SORCS2: variants seen among roughly 807,000 people sequenced by gnomAD.
SORCS2 encodes sortilin related VPS10 domain containing receptor 2.
A neutral mutation model predicts 141.6 loss-of-function variants in SORCS2; 100 were observed. That is an observed-to-expected ratio of 0.71 (90% CI 0.60 to 0.83). The LOEUF (loss-of-function observed/expected upper bound fraction) is 0.83. Among genes scored for constraint, SORCS2 ranks in the 40% least tolerant of loss-of-function variants. The pLI is 0.00. For synonymous variants in SORCS2, 789 were observed against 676.9 expected, an observed-to-expected ratio of 1.17 and a Z score of -2.57; for missense variants, 1,646 against 1,560.2, an observed-to-expected ratio of 1.05 and a Z score of -0.93.
intron 2 of SORCS2, among the ~76,000 whole-genome samples, chr4:7,463,653 T>A (rs1025664832): frequency 2.6e-5 from 4 of 152,114 alleles, no homozygotes; most frequent in Admixed American, 1.3e-4. Flanking sequence ...AAAAATAAGA[T>A]CAGTGATTTG....
chr4:7,212,030 A>G (rs1247672742), intron 1 of SORCS2, among the ~76,000 whole-genome samples: 2 of 152,160 alleles, frequency 1.3e-5, no homozygotes, highest in Admixed American at 6.6e-5. Context: ...CTGAATTTCC[A>G]TGGCTGCCCC....
chr4:7,483,267 G>A (rs1396171722), intron 2 of SORCS2, among the ~76,000 whole-genome samples: 1 of 144,902 alleles, frequency 6.9e-6, no homozygotes, highest in Non-Finnish European at 1.5e-5. Flanking sequence ...AGGTTGAAGT[G>A]AACCGAGATT....
chr4:7,482,166 T>TGCA (rs1730682841), intron 2 of SORCS2, among the ~76,000 whole-genome samples: 2 of 45,294 alleles, frequency 4.4e-5, no homozygotes, highest in Non-Finnish European at 8.0e-5. Flanking sequence ...CCCCTGACGC[T>TGCA]GTTCAGACCT....
intron 2 of SORCS2, chr4:7,434,938 G>A: frequency 6.8e-7 from 1 of 1,466,324 alleles, no homozygotes. Context: ...TATAAACCTG[G>A]CTCTCCTGCC....
intron 2 of SORCS2, among the ~76,000 whole-genome samples, chr4:7,428,916 C>T (rs1432790837): frequency 6.6e-6 from 1 of 152,108 alleles, no homozygotes; most frequent in African/African-American, 2.4e-5. Flanking sequence ...AGGAAGGCAC[C>T]TCTTCACCAG....
At chr4:7,379,590 G>A (rs1165797611) in intron 1 of SORCS2, among the ~76,000 whole-genome samples, 1 of 152,170 alleles carries the variant, frequency 6.6e-6, no homozygotes, top group East Asian at 1.9e-4. Flanking sequence ...CAATAGACAC[G>A]CGGATACTAT....
chr4:7,287,262 C>T (rs762047427), intron 1 of SORCS2, among the ~76,000 whole-genome samples: 11 of 152,236 alleles, frequency 7.2e-5, no homozygotes, highest in Non-Finnish European at 1.3e-4. Context: ...CCACAGACCA[C>T]AAGGCGAGAC....
At chr4:7,216,426 CA>C (rs1728355027) in intron 1 of SORCS2, among the ~76,000 whole-genome samples, 1 of 152,208 alleles carries the variant, frequency 6.6e-6, no homozygotes, top group African/African-American at 2.4e-5. Context: ...ACAAACTGCA[CA>C]AACTCAGTGG....
intron 3 of SORCS2, among the ~76,000 whole-genome samples, chr4:7,614,561 G>GTCCA (rs1331664143): frequency 1.4e-5 from 2 of 144,064 alleles, no homozygotes; most frequent in African/African-American, 5.2e-5. Context: ...CTCATCCACT[G>GTCCA]TCCATCCATC....
intron 2 of SORCS2, among the ~76,000 whole-genome samples, chr4:7,403,345 T>C (rs1162919223): frequency 2.0e-5 from 3 of 152,124 alleles, no homozygotes; most frequent in African/African-American, 7.2e-5. Flanking sequence ...ATGTTCTTCT[T>C]ATGCAGAACA....
chr4:7,606,607 G>C (rs945020029), intron 3 of SORCS2, among the ~76,000 whole-genome samples: 21 of 152,108 alleles, frequency 1.4e-4, no homozygotes, highest in African/African-American at 4.6e-4. Context: ...TGTGCCTTGA[G>C]GGCCGCCTCT....
chr4:7,668,903 C>T (rs35235499), intron 8 of SORCS2, among the ~76,000 whole-genome samples: 17,887 of 152,062 alleles, frequency 0.12, 1,148 homozygotes, highest in Middle Eastern at 0.17. Flanking sequence ...ATACAGGGAC[C>T]CTCTCTGCTC....
intron 5 of SORCS2, among the ~76,000 whole-genome samples, chr4:7,660,347 GC>G (rs938461736): frequency 2.6e-5 from 4 of 152,240 alleles, no homozygotes; most frequent in Non-Finnish European, 5.9e-5. Context: ...CCACAGGGCA[GC>G]TACAGTGTCT....
intron 1 of SORCS2, among the ~76,000 whole-genome samples, chr4:7,261,334 C>T (rs939727219): frequency 3.3e-5 from 5 of 152,158 alleles, no homozygotes; most frequent in African/African-American, 1.2e-4. Context: ...CAGGGCTCTG[C>T]GACGGCCATA....
chr4:7,355,422 A>G (rs573399477), intron 1 of SORCS2, among the ~76,000 whole-genome samples: 91 of 152,204 alleles, frequency 6.0e-4, no homozygotes, highest in African/African-American at 2.2e-3. Context: ...AATCCCCCCA[A>G]AGTTAATGGC....
rs115448971 is a variant in SORCS2 at position 7,684,084 on chromosome 4, C to T, written c.1488+1195C>T. On this transcript the variant is annotated intron_variant, in intron 10 of 26. Coordinates refer to ENST00000507866, the MANE Select transcript of SORCS2 (RefSeq NM_020777.3). Reference sequence around the variant, plus strand: ...CACCCCTGTGAGACACGGCCTCTCCCGGGGCTTCTCTCCTTGCATACCGCA... The same window carrying T: ...CACCCCTGTGAGACACGGCCTCTCCTGGGGCTTCTCTCCTTGCATACCGCA... 3.9e-3 allele frequency among the ~76,000 whole-genome samples: 589 copies of T among 152,264 alleles called. 3 individuals are homozygous for T. The highest frequency in any genetic ancestry group is 0.013 in the African/African-American group (554 of 41,540).
At chr4:7,655,308 C>T (rs928526664) in intron 5 of SORCS2, among the ~76,000 whole-genome samples, 8 of 152,180 alleles carry the variant, frequency 5.3e-5, no homozygotes, top group East Asian at 3.9e-4. Context: ...GCCTGGTCTC[C>T]GCAACAGAAA....
chr4:7,433,671 G>A, intron 2 of SORCS2: 1 of 1,610,078 alleles, frequency 6.2e-7, no homozygotes, highest in Non-Finnish European at 8.5e-7. Context: ...AGGACACCGT[G>A]AGCAGCCTCT....
chr4:7,196,425 T>C (rs1727168390), intron 1 of SORCS2, among the ~76,000 whole-genome samples: 1 of 152,198 alleles, frequency 6.6e-6, no homozygotes, highest in South Asian at 2.1e-4. Context: ...TTAATGTTTC[T>C]GGGAAATCGT....
Sources: gnomAD v4.1 joint callset for allele counts (sites outside exome capture counted in the v4.1 genomes callset) on GRCh38, gnomAD v4.1.1 for gene constraint, MANE v1.5 for transcripts, NCBI Gene and HGNC (gene_info 2026-07-23, HGNC 2026-07-21) for gene names.